Variants in ESRRB observed in about 807,000 individuals in gnomAD.
ESRRB encodes the protein estrogen related receptor beta.
In ESRRB, 16 loss-of-function variants were observed where a neutral mutation model predicts 46.0. The ratio of observed to expected loss-of-function variants is 0.35; its 90% CI spans 0.24 to 0.53. The LOEUF is 0.53. Among genes scored for constraint, ESRRB ranks in the 20% least tolerant of loss-of-function variants. The pLI, the probability that ESRRB is intolerant of heterozygous loss-of-function variation, is 0.93. For missense variants in ESRRB, 488 were observed against 607.4 expected (o/e 0.80, Z 2.07); for synonymous variants, 246 against 259.6 (o/e 0.95, Z 0.50).
intron 5 of ESRRB, among the ~76,000 whole-genome samples, chr14:76,490,948 G>T (rs1187661046): frequency 6.6e-6 from 1 of 152,120 alleles, no homozygotes. Context: ...TCTTGGTCAG[G>T]CCCGTGGGTC....
chr14:76,421,358 T>G (rs769711338), intron 1 of ESRRB, among the ~76,000 whole-genome samples: 7 of 152,232 alleles, frequency 4.6e-5, no homozygotes, highest in Non-Finnish European at 1.0e-4. Context: ...GTGCCTCGAT[T>G]GATTTTCCCA....
At position 76,469,933 on chromosome 14, in the gene ESRRB, TTTTTTTTTTTC is replaced by T. The variant is rs1566603802; in HGVS notation, c.577+7283_577+7293del. ...GACTAGGCTGTGTTTTTTGTTGTTTTTTTTTTTTTTCTTTTTTTTTTTTTTTTTTTTTGAGA... is the reference window on the plus strand; with the variant it reads ...GACTAGGCTGTGTTTTTTGTTGTTTTTTTTTTTTTTTTTTTTTTTTTGAGA... On this transcript the variant is annotated intron_variant, in intron 3 of 6. Coordinates refer to ENST00000644823, the MANE Select transcript of ESRRB (RefSeq NM_001379180.1). 2.2e-4 allele frequency among the ~76,000 whole-genome samples: 30 copies of T among 134,676 alleles called. 2 individuals carry two copies. The highest frequency in any genetic ancestry group is 2.9e-4 in the Non-Finnish European group (18 of 61,394). 88.4% of individuals were successfully genotyped at this position (134,676 alleles called of 152,430 possible).
rs140765756 is a variant in ESRRB, at chr14:76,455,319, T to C, written c.461-7226T>C. Among the ~76,000 whole-genome samples the C allele has an allele frequency of 5.1e-3, 780 of 152,300 alleles. 19 individuals carry two copies. The highest frequency in any genetic ancestry group is 0.036 in the Admixed American group (558 of 15,290). ...AGAGTTAACCATTTAAAAAAAACTCTCTTCTATCATTTAGTAATATTGTGA... is the reference window on the plus strand; with the variant it reads ...AGAGTTAACCATTTAAAAAAAACTCCCTTCTATCATTTAGTAATATTGTGA... On this transcript the variant is annotated intron_variant, in intron 2 of 6. Transcript: ENST00000644823.
intron 1 of ESRRB, among the ~76,000 whole-genome samples, chr14:76,352,867 C>T (rs939523241): frequency 6.6e-6 from 1 of 152,244 alleles, no homozygotes; most frequent in Admixed American, 6.5e-5. Context: ...CACGCGCACA[C>T]AGGCGAGCAC....
intron 1 of ESRRB, among the ~76,000 whole-genome samples, chr14:76,387,232 T>C (rs1885269407): frequency 6.6e-6 from 1 of 152,176 alleles, no homozygotes; most frequent in Non-Finnish European, 1.5e-5. Context: ...GGACCCCAGC[T>C]TCCCCTCATT....
At position 76,499,972 on chromosome 14, in the gene ESRRB, C is replaced by T; in HGVS notation, c.*1514C>T. 5.0e-6 allele frequency: 8 copies of T among 1,600,918 alleles called. No homozygotes were observed. Among genetic ancestry groups the T allele is most frequent in the Non-Finnish European group, 6.8e-6 (8 of 1,173,428 alleles). The stretch of plus-strand genomic sequence containing the variant: ...TTCACAAGCAGGGATCAGAGCAACT[C>T]CCCGGGGATCCCCAATCCACGCCCT... On this transcript the variant is annotated 3_prime_UTR_variant, in exon 7 of 7. Coordinates refer to ENST00000644823, the MANE Select transcript of ESRRB (RefSeq NM_001379180.1).
At chr14:76,354,653 A>G (rs7156326) in intron 1 of ESRRB, among the ~76,000 whole-genome samples, 2,170 of 143,468 alleles carry the variant, frequency 0.015, 52 homozygotes, top group African/African-American at 0.054. Flanking sequence ...ACAAGAACCC[A>G]TGGGGTCTCG....
chr14:76,492,606 T>G (rs183781399), intron 6 of ESRRB, among the ~76,000 whole-genome samples: 1 of 152,266 alleles, frequency 6.6e-6, no homozygotes, highest in East Asian at 1.9e-4. Flanking sequence ...GGTCACACAG[T>G]TAAAAAGTGT....
intron 1 of ESRRB, among the ~76,000 whole-genome samples, chr14:76,399,571 G>A (rs1885848687): frequency 6.6e-6 from 1 of 152,206 alleles, no homozygotes; most frequent in African/African-American, 2.4e-5. Flanking sequence ...GTTTAATGCA[G>A]CCAAGGTCAT....
intron 1 of ESRRB, among the ~76,000 whole-genome samples, chr14:76,422,029 C>T (rs538641896): frequency 3.9e-5 from 6 of 152,160 alleles, no homozygotes; most frequent in Admixed American, 6.5e-5. Flanking sequence ...CAAAATGCCC[C>T]GTCTGGAGAA....
chr14:76,472,169 G>GA (rs1195824827), intron 3 of ESRRB, among the ~76,000 whole-genome samples: 2 of 152,146 alleles, frequency 1.3e-5, no homozygotes, highest in Non-Finnish European at 2.9e-5. Flanking sequence ...TCTCAAAGGG[G>GA]AAAAAAGAAA....
In ESRRB at chr14:76,324,218, A is replaced by G. The variant is rs1178661508; in HGVS notation, c.2+13302A>G. Among the ~76,000 whole-genome samples, 4 of 152,176 alleles carry G rather than the reference A, an allele frequency of 2.6e-5. No individual in the cohort carries two copies. The East Asian group carries it at 5.8e-4, about 22-fold the overall frequency. On this transcript the variant is annotated intron_variant, in intron 1 of 6. Transcript: ENST00000512784. ...AGCCTCAGCCTATCCAGGAGCATAA[A>G]TGACGCTGCAGAGTTGTCCCACCTT...
chr14:76,432,943 G>A (rs895352146), intron 1 of ESRRB, among the ~76,000 whole-genome samples: 4 of 152,196 alleles, frequency 2.6e-5, no homozygotes, highest in African/African-American at 9.6e-5. Context: ...CCAAAGTGCT[G>A]AGATTACAGG....
intron 1 of ESRRB, among the ~76,000 whole-genome samples, chr14:76,432,442 A>G (rs1887488259): frequency 6.6e-6 from 1 of 152,106 alleles, no homozygotes; most frequent in African/African-American, 2.4e-5. Context: ...TCCCACAGTT[A>G]CTATTGCAAA....
At chr14:76,412,539 ATCC>A (rs1300416037) in intron 1 of ESRRB, among the ~76,000 whole-genome samples, 1 of 152,050 alleles carries the variant, frequency 6.6e-6, no homozygotes, top group East Asian at 1.9e-4. Context: ...GGGAGCCTCC[ATCC>A]TCCTCCTCCT....
intron 1 of ESRRB, among the ~76,000 whole-genome samples, chr14:76,384,871 T>A (rs925688087): frequency 1.3e-5 from 2 of 150,180 alleles, no homozygotes; most frequent in African/African-American, 5.1e-5. Context: ...TATGAGGCCG[T>A]TGTCCCTGCT....
intron 1 of ESRRB, among the ~76,000 whole-genome samples, chr14:76,388,576 G>C (rs1885340750): frequency 6.6e-6 from 1 of 152,098 alleles, no homozygotes; most frequent in African/African-American, 2.4e-5. Flanking sequence ...AGGGGGAAAA[G>C]ACCAAGACCC....
intron 1 of ESRRB, among the ~76,000 whole-genome samples, chr14:76,364,904 A>G (rs1447070373): frequency 2.0e-5 from 3 of 152,248 alleles, no homozygotes; most frequent in African/African-American, 2.4e-5. Flanking sequence ...ATTCTTGGTA[A>G]CAATCATGTA....
At chr14:76,349,523 T>C (rs1199463813) in intron 1 of ESRRB, among the ~76,000 whole-genome samples, 1 of 152,234 alleles carries the variant, frequency 6.6e-6, no homozygotes, top group East Asian at 1.9e-4. Context: ...ATCTCCAGGG[T>C]CTAGAATGGT....
Sources: allele counts gnomAD v4.1 joint callset (sites outside exome capture counted in the v4.1 genomes callset), GRCh38; gene constraint gnomAD v4.1.1; transcripts MANE v1.5; gene names NCBI Gene and HGNC (gene_info 2026-07-23, HGNC 2026-07-21).